NEMP2: variants seen among roughly 807,000 people sequenced by gnomAD.
NEMP2 encodes UPF0571 transmembrane protein.
A neutral mutation model predicts 54.2 loss-of-function variants in NEMP2; 53 were observed. The observed-to-expected ratio is 0.98, with a 90% CI of 0.78 to 1.23. NEMP2 has a LOEUF of 1.23. Among genes scored for constraint, NEMP2 ranks in the 50% most tolerant of loss-of-function variants. The pLI, the probability that NEMP2 is intolerant of heterozygous loss-of-function variation, is 0.00. For missense variants in NEMP2, 455 were observed against 511.3 expected (o/e 0.89, Z 1.06); for synonymous variants, 197 against 190.3 (o/e 1.04, Z -0.29).
chr2:190,466,073 G>A, the NEMP2 span, among the ~76,000 whole-genome samples: 3 of 152,168 alleles, frequency 2.0e-5, no homozygotes, highest in African/African-American at 7.2e-5. Flanking sequence ...TTTGGCTTAG[G>A]TTTTCTTCCA....
downstream of NEMP2, among the ~76,000 whole-genome samples, chr2:190,504,007 C>T (rs992801301): frequency 2.0e-5 from 3 of 152,228 alleles, no homozygotes; most frequent in Non-Finnish European, 4.4e-5. This position sits in a 1 kb window ranked among gnomAD's most constrained non-coding sequence, Gnocchi z 5.6. Context: ...TAATATAGGA[C>T]CACTTGTCCC....
At chr2:190,543,476 A>G in the NEMP2 span, among the ~76,000 whole-genome samples, 1 of 152,214 alleles carries the variant, frequency 6.6e-6, no homozygotes, top group Non-Finnish European at 1.5e-5. This position sits in a 1 kb window ranked among gnomAD's most constrained non-coding sequence, Gnocchi z 4.7. Flanking sequence ...CCCTGGCAGG[A>G]GTCCTGTTCC....
At chr2:190,489,523 G>A in the NEMP2 span, among the ~76,000 whole-genome samples, 1 of 152,202 alleles carries the variant, frequency 6.6e-6, no homozygotes, top group African/African-American at 2.4e-5. The surrounding 1 kb of genome is among the most constrained non-coding windows in gnomAD (Gnocchi z 6.6). Context: ...AAGGCACTGA[G>A]AGATAATCCT....
chr2:190,569,119 A>C, the NEMP2 span, among the ~76,000 whole-genome samples: 1 of 152,212 alleles, frequency 6.6e-6, no homozygotes, highest in African/African-American at 2.4e-5. Context: ...CAGGTTGTAC[A>C]GGGAAAAGGG....
the NEMP2 span, among the ~76,000 whole-genome samples, chr2:190,427,888 T>C: frequency 1.3e-5 from 2 of 152,134 alleles, no homozygotes; most frequent in African/African-American, 4.8e-5. Flanking sequence ...CCTGCCACCA[T>C]GCCCAGCTAA....
rs1242982939 is a variant in NEMP2 at position 190,520,332 on chromosome 2, C to T, written c.214-1149G>A. 1.3e-5 allele frequency among the ~76,000 whole-genome samples: 2 copies of T among 152,216 alleles called. No individual in the cohort carries two copies. Among genetic ancestry groups the T allele is most frequent in the African/African-American group, 4.8e-5 (2 of 41,450 alleles). ...AGATCCCAACCTCAGGTCCTATTCA[C>T]ATCACAGAACAAAGCACTAGCTACA... On this transcript the variant is annotated intron_variant, in intron 2 of 8. Transcript: ENST00000409150. This position sits in a 1 kb window ranked among gnomAD's most constrained non-coding sequence, Gnocchi z 5.4.
At chr2:190,558,631 A>T in the NEMP2 span, among the ~76,000 whole-genome samples, 1 of 152,358 alleles carries the variant, frequency 6.6e-6, no homozygotes, top group Non-Finnish European at 1.5e-5. The surrounding 1 kb of genome is among the most constrained non-coding windows in gnomAD (Gnocchi z 4.4). Context: ...GCATACCACC[A>T]TGTAACCCTA....
chr2:190,558,929 T>G, the NEMP2 span, among the ~76,000 whole-genome samples: 1 of 152,094 alleles, frequency 6.6e-6, no homozygotes, highest in South Asian at 2.1e-4. The surrounding 1 kb of genome is among the most constrained non-coding windows in gnomAD (Gnocchi z 4.4). Context: ...GTAAAGAAAA[T>G]ATGATGAAAC....
rs765412511 is a variant in NEMP2 at position 190,518,811 on chromosome 2, G to A, written c.446-3C>T. The A allele has an allele frequency of 1.9e-5, 29 of 1,540,106 alleles. No individual in the cohort carries two copies. The highest frequency in any genetic ancestry group is 2.2e-5 in the Non-Finnish European group (25 of 1,144,374). On this transcript the variant is annotated splice_region_variant and splice_polypyrimidine_tract_variant and intron_variant, in intron 3 of 8. Coordinates refer to ENST00000409150, the MANE Select transcript of NEMP2 (RefSeq NM_001142645.2). ...AAGGAAGAGTTTGAAATCCATGACT[G>A]GAGTAAAAAAGACACACAAACACAT...
chr2:190,542,658 C>T, the NEMP2 span, among the ~76,000 whole-genome samples: 1 of 151,852 alleles, frequency 6.6e-6, no homozygotes, highest in African/African-American at 2.4e-5. This position sits in a 1 kb window ranked among gnomAD's most constrained non-coding sequence, Gnocchi z 4.6. Context: ...TGAATCTATT[C>T]TGCTGTTGAG....
chr2:190,431,669 C>T, the NEMP2 span, among the ~76,000 whole-genome samples: 3 of 152,036 alleles, frequency 2.0e-5, no homozygotes, highest in Non-Finnish European at 2.9e-5. This position sits in a 1 kb window ranked among gnomAD's most constrained non-coding sequence, Gnocchi z 4.4. Flanking sequence ...AGTCCAGCTT[C>T]GGCTCAGCAT....
chr2:190,522,256 T>C lies in NEMP2; in HGVS notation c.213+3007A>G, dbSNP rs769620674. On this transcript the variant is annotated intron_variant, in intron 2 of 8. Transcript: ENST00000409150. This position sits in a 1 kb window ranked among gnomAD's most constrained non-coding sequence, Gnocchi z 5.0. ...TTGGGAGAGGGGCAAGGGTTGAAAATCTACTGATTGGGTACTATGGTCACT... is the reference window on the plus strand; with the variant it reads ...TTGGGAGAGGGGCAAGGGTTGAAAACCTACTGATTGGGTACTATGGTCACT... Among the ~76,000 whole-genome samples, 1 of 151,948 alleles carries C rather than the reference T, an allele frequency of 6.6e-6. No individual in the cohort carries two copies. The highest frequency in any genetic ancestry group is 1.5e-5 in the Non-Finnish European group (1 of 68,000).
the NEMP2 span, among the ~76,000 whole-genome samples, chr2:190,485,566 G>T: frequency 1.3e-5 from 2 of 152,040 alleles, no homozygotes; most frequent in Non-Finnish European, 2.9e-5. The surrounding 1 kb of genome is among the most constrained non-coding windows in gnomAD (Gnocchi z 5.1). Flanking sequence ...TATGTGAAAA[G>T]AAATGGACTT....
rs1691207061 is a variant in NEMP2 at position 190,533,043 on chromosome 2, T to C, written c.97+1516A>G. Among the ~76,000 whole-genome samples the C allele has an allele frequency of 6.6e-6, 1 of 152,242 alleles. No individual in the cohort carries two copies. On this transcript the variant is annotated intron_variant, in intron 1 of 8. Transcript: ENST00000409150. This position sits in a 1 kb window ranked among gnomAD's most constrained non-coding sequence, Gnocchi z 4.3. ...GCAGAGAAGCAGGCTGTTACTATTA[T>C]ACTAAATGCGGTAACATAAAAACTT... is the stretch of plus-strand genomic sequence containing the variant.
chr2:190,429,330 C>CT, the NEMP2 span, among the ~76,000 whole-genome samples: 676 of 142,018 alleles, frequency 4.8e-3, 7 homozygotes, highest in African/African-American at 0.014. Flanking sequence ...AACAGAAATT[C>CT]TTTTTTTTTT....
rs184187225 is a variant in NEMP2 at position 190,519,150 on chromosome 2, C to T, written c.247G>A (p.Val83Ile). Residue 83 changes from valine (V) to isoleucine (I), a missense_variant, in exon 3 of 9, where the codon GTA (valine) becomes ATA (isoleucine). Val to Ile is a conservative substitution (Grantham distance 29, BLOSUM62 3). Transcript: ENST00000409150. The surrounding 1 kb of genome is among the most constrained non-coding windows in gnomAD (Gnocchi z 5.4). The part of the protein sequence containing the change: ...KITSPGLFRI[V>I]YIAERHNCQY... ...CAATTATGTCTTTCTGCGATATATA[C>T]AATTCTGAACAGGCCTGGACTGGTA... is the stretch of plus-strand genomic sequence containing the variant. The T allele has an allele frequency of 1.3e-4, 198 of 1,549,942 alleles. No homozygotes were observed. Among genetic ancestry groups the T allele is most frequent in the Non-Finnish European group, 1.1e-4 (129 of 1,146,866 alleles).
At position 190,528,076 on chromosome 2, in the gene NEMP2, G is replaced by T. The variant is rs1257452907; in HGVS notation, c.98-2698C>A. ...TGTCCATGCACAAGAGCCAAAAGAA[G>T]AATTCACAACCAGGGCTATGAATAC... On this transcript the variant is annotated intron_variant, in intron 1 of 8. Coordinates refer to ENST00000409150, the MANE Select transcript of NEMP2 (RefSeq NM_001142645.2). This position sits in a 1 kb window ranked among gnomAD's most constrained non-coding sequence, Gnocchi z 4.3. Among the ~76,000 whole-genome samples the T allele has an allele frequency of 6.6e-6, 1 of 152,146 alleles. No homozygotes were observed. Among genetic ancestry groups the T allele is most frequent in the Non-Finnish European group, 1.5e-5 (1 of 68,026 alleles).
At chr2:190,462,060 G>A in the NEMP2 span, among the ~76,000 whole-genome samples, 3 of 152,142 alleles carry the variant, frequency 2.0e-5, no homozygotes, top group East Asian at 1.9e-4. The surrounding 1 kb of genome is among the most constrained non-coding windows in gnomAD (Gnocchi z 5.7). Context: ...CTCCTTAGGC[G>A]ATGAAGGGCC....
chr2:190,615,967 G>T, the NEMP2 span, among the ~76,000 whole-genome samples: 1 of 152,110 alleles, frequency 6.6e-6, no homozygotes, highest in South Asian at 2.1e-4. The surrounding 1 kb of genome is among the most constrained non-coding windows in gnomAD (Gnocchi z 4.7). Flanking sequence ...TTCTCACCAG[G>T]CCCATTCCCT....
Sources: allele counts gnomAD v4.1 joint callset (sites outside exome capture counted in the v4.1 genomes callset), GRCh38; gene constraint gnomAD v4.1.1; non-coding constraint Gnocchi (gnomAD v3.1); transcripts MANE v1.5; gene names NCBI Gene and HGNC (gene_info 2026-07-23, HGNC 2026-07-21).